The following KCND2 variants were observed in gnomAD, a reference collection of about 807,000 sequenced individuals.
The protein encoded by KCND2 is A-type voltage-gated potassium channel KCND2.
A neutral mutation model predicts 54.4 loss-of-function variants in KCND2; 16 were observed. The observed-to-expected ratio is 0.29, with a 90% CI of 0.20 to 0.45. The LOEUF (loss-of-function observed/expected upper bound fraction) is 0.45. KCND2 is among the 20% of genes least tolerant of loss of function. The pLI is 1.00. For synonymous variants in KCND2, 317 were observed against 310.7 expected, an observed-to-expected ratio of 1.02 and a Z score of -0.21; for missense variants, 486 against 824.2, an observed-to-expected ratio of 0.59 and a Z score of 5.02.
At chr7:120,348,192 C>G (rs900741323) in intron 1 of KCND2, among the ~76,000 whole-genome samples, 4 of 152,076 alleles carry the variant, frequency 2.6e-5, no homozygotes, top group Non-Finnish European at 5.9e-5. Context: ...CTCTTTGATT[C>G]CAAATATCAT....
Position 120,396,663 on chromosome 7 carries a change from ATG to A in KCND2, c.1115+120931_1115+120932del, listed in dbSNP as rs143980070. 6.0e-5 allele frequency among the ~76,000 whole-genome samples: 9 copies of A among 150,988 alleles called. No individual in the cohort carries two copies. The South Asian group carries it at 1.7e-3, about 28-fold the overall frequency. The stretch of plus-strand genomic sequence containing the variant: ...AAGATTTCAGTACTCCTAGGTTTAA[ATG>A]TGTGTGTGTGTGTGCACATGTGAGT... On this transcript the variant is annotated intron_variant, in intron 1 of 5. Transcript: ENST00000331113.
Position 120,447,087 on chromosome 7 carries a change from G to C in KCND2, c.1115+171340G>C, listed in dbSNP as rs116720818. 5.2e-3 allele frequency among the ~76,000 whole-genome samples: 792 copies of C among 152,180 alleles called. 3 individuals are homozygous for C. The highest frequency in any genetic ancestry group is 0.017 in the African/African-American group (726 of 41,516). On this transcript the variant is annotated intron_variant, in intron 1 of 5. Coordinates refer to ENST00000331113, the MANE Select transcript of KCND2 (RefSeq NM_012281.3). ...TATGAGGAAAGTAAAAGCCCAATAAGTTAAATAATTACTCAAGAAATGGAT... is the reference window on the plus strand; with the variant it reads ...TATGAGGAAAGTAAAAGCCCAATAACTTAAATAATTACTCAAGAAATGGAT...
At chr7:120,321,141 A>G (rs1799888618) in intron 1 of KCND2, among the ~76,000 whole-genome samples, 1 of 152,150 alleles carries the variant, frequency 6.6e-6, no homozygotes, top group Non-Finnish European at 1.5e-5. Flanking sequence ...CATTGTATAT[A>G]TATCAGTAAA....
At chr7:120,437,307 A>G (rs2116183248) in intron 1 of KCND2, among the ~76,000 whole-genome samples, 1 of 148,994 alleles carries the variant, frequency 6.7e-6, no homozygotes, top group Non-Finnish European at 1.5e-5. Context: ...GATGCAAGCG[A>G]TTCTCCTGCC....
intron 1 of KCND2, among the ~76,000 whole-genome samples, chr7:120,326,320 G>A (rs191071383): frequency 2.6e-5 from 4 of 152,180 alleles, no homozygotes; most frequent in African/African-American, 7.2e-5. Context: ...ATGACAGAGA[G>A]TAGAGAAATG....
At chr7:120,508,265 T>C (rs1276524008) in intron 1 of KCND2, among the ~76,000 whole-genome samples, 1 of 152,000 alleles carries the variant, frequency 6.6e-6, no homozygotes, top group African/African-American at 2.4e-5. Flanking sequence ...GTCTAGAGTT[T>C]AATATTCTGT....
chr7:120,740,959 C>T (rs763292409), intron 2 of KCND2: 8 of 448,504 alleles, frequency 1.8e-5, no homozygotes, highest in Non-Finnish European at 3.6e-5. Context: ...TGTTGTTTGG[C>T]ATGGGATCTA....
intron 1 of KCND2, among the ~76,000 whole-genome samples, chr7:120,588,122 G>A (rs189067942): frequency 6.8e-4 from 104 of 152,098 alleles, no homozygotes; most frequent in South Asian, 1.5e-3. Flanking sequence ...GATATAATTC[G>A]TAGGATATGT....
chr7:120,369,487 C>T (rs919944544), intron 1 of KCND2, among the ~76,000 whole-genome samples: 3 of 151,990 alleles, frequency 2.0e-5, no homozygotes, highest in Non-Finnish European at 2.9e-5. Context: ...AAGTACAGAT[C>T]TAAACAAAGC....
At chr7:120,583,782 TGTG>T (rs1276236915) in intron 1 of KCND2, among the ~76,000 whole-genome samples, 1 of 54,554 alleles carries the variant, frequency 1.8e-5, no homozygotes, top group East Asian at 3.5e-4. Context: ...GCATAGGAAT[TGTG>T]GGGGGGGGGA....
At chr7:120,329,083 T>G (rs1303664975) in intron 1 of KCND2, among the ~76,000 whole-genome samples, 3 of 151,742 alleles carry the variant, frequency 2.0e-5, no homozygotes, top group Admixed American at 1.3e-4. Context: ...TGTGGAAAGA[T>G]GAAACTGAAA....
chr7:120,405,290 C>A (rs974345107), intron 1 of KCND2, among the ~76,000 whole-genome samples: 1 of 152,138 alleles, frequency 6.6e-6, no homozygotes, highest in Non-Finnish European at 1.5e-5. Flanking sequence ...TTCAAGCCAA[C>A]TTTACAAAGC....
intron 1 of KCND2, among the ~76,000 whole-genome samples, chr7:120,319,129 G>A (rs1361529888): frequency 6.6e-6 from 1 of 151,904 alleles, no homozygotes; most frequent in Non-Finnish European, 1.5e-5. Flanking sequence ...TTTCTAAGCT[G>A]CGTTTCCTTC....
intron 1 of KCND2, among the ~76,000 whole-genome samples, chr7:120,723,874 A>G (rs927613458): frequency 6.6e-6 from 1 of 152,188 alleles, no homozygotes; most frequent in Non-Finnish European, 1.5e-5. Flanking sequence ...ATCTAGGTTA[A>G]AAATGGATTT....
At chr7:120,539,272 G>A (rs187612485) in intron 1 of KCND2, among the ~76,000 whole-genome samples, 407 of 152,236 alleles carry the variant, frequency 2.7e-3, no homozygotes, top group African/African-American at 9.4e-3. Flanking sequence ...TTTGCATACT[G>A]CCTTGGGAGT....
chr7:120,463,940 TAGATCGAC>T (rs1367182691), intron 1 of KCND2: 4 of 386,784 alleles, frequency 1.0e-5, no homozygotes, highest in South Asian at 1.1e-4. Flanking sequence ...GATAGATAGA[TAGATCGAC>T]AGATGGATAG....
At chr7:120,318,588 C>T (rs529315922) in intron 1 of KCND2, among the ~76,000 whole-genome samples, 2 of 152,132 alleles carry the variant, frequency 1.3e-5, no homozygotes, top group South Asian at 4.1e-4. Context: ...TGGAAAATTC[C>T]TTGAAATAAC....
intron 1 of KCND2, among the ~76,000 whole-genome samples, chr7:120,329,032 C>A (rs141564990): frequency 3.3e-5 from 5 of 151,768 alleles, no homozygotes; most frequent in African/African-American, 9.7e-5. Flanking sequence ...AGATAATGGG[C>A]AGCTACTGCA....
chr7:120,480,684 C>T (rs1210842479), intron 1 of KCND2, among the ~76,000 whole-genome samples: 1 of 152,172 alleles, frequency 6.6e-6, no homozygotes, highest in Non-Finnish European at 1.5e-5. Flanking sequence ...TTCCTGTTTT[C>T]CACCATGGGA....
Sources: gnomAD v4.1 joint callset for allele counts (sites outside exome capture counted in the v4.1 genomes callset) on GRCh38, gnomAD v4.1.1 for gene constraint, MANE v1.5 for transcripts, NCBI Gene and HGNC (gene_info 2026-07-23, HGNC 2026-07-21) for gene names.